STRAP: variants seen among roughly 807,000 people sequenced by gnomAD.
STRAP encodes serine/threonine kinase receptor associated protein, also known as serine-threonine kinase receptor-associated protein.
In STRAP, 16 loss-of-function variants were observed where a neutral mutation model predicts 47.0. The ratio of observed to expected loss-of-function variants is 0.34; its 90% CI spans 0.23 to 0.52. STRAP has a LOEUF of 0.52. Among genes scored for constraint, STRAP ranks in the 20% least tolerant of loss-of-function variants. The pLI is 0.96. For missense variants in STRAP, 293 were observed against 420.0 expected (o/e 0.70, Z 2.64); for synonymous variants, 130 against 142.7 (o/e 0.91, Z 0.63).
intron 9 of STRAP, among the ~76,000 whole-genome samples, chr12:15,902,249 G>T (rs2136115059): frequency 6.6e-6 from 1 of 152,310 alleles, no homozygotes; most frequent in South Asian, 2.1e-4. Context: ...TGGGATTACA[G>T]GCGTGAGCCA....
rs1218841925 is a variant in STRAP, at chr12:15,894,402, T to G, written c.500+259T>G. On this transcript the variant is annotated intron_variant, in intron 5 of 9. Coordinates refer to ENST00000419869, the MANE Select transcript of STRAP (RefSeq NM_007178.4). The surrounding 1 kb of genome is among the most constrained non-coding windows in gnomAD (Gnocchi z 4.9). Reference sequence around the variant, plus strand: ...TGAACCTGCGAGGCAGAGGTTGCGGTGAGTCGAGATCGTGCCATTGCACTC... The same window carrying G: ...TGAACCTGCGAGGCAGAGGTTGCGGGGAGTCGAGATCGTGCCATTGCACTC... 6.6e-6 allele frequency among the ~76,000 whole-genome samples: 1 copy of G among 152,198 alleles called. No individual in the cohort carries two copies. Among genetic ancestry groups the G allele is most frequent in the Admixed American group, 6.5e-5 (1 of 15,284 alleles).
In STRAP at chr12:15,902,885, C is replaced by CTTTTTTTT. The variant is rs71042274; in HGVS notation, c.992-16_992-9dup. On this transcript the variant is annotated intron_variant, in intron 9 of 9. Transcript: ENST00000419869. ...TCTTTCATTAAGTTGACTAATGTGACTTTTTTTTTTTTTTTTTTTTTTTAC... is the reference window on the plus strand; with the variant it reads ...TCTTTCATTAAGTTGACTAATGTGACTTTTTTTTTTTTTTTTTTTTTTTTTTTTTTTAC... 630 of 1,102,642 alleles carry CTTTTTTTT rather than the reference C, an allele frequency of 5.7e-4. 2 individuals are homozygous for CTTTTTTTT. The highest frequency in any genetic ancestry group is 2.1e-3 in the African/African-American group (96 of 45,770). 68.3% of individuals were successfully genotyped at this position (1,102,642 alleles called of 1,614,324 possible).
chr12:15,883,175 TACCTTAC>T, intron 1 of STRAP: 1 of 1,512,370 alleles, frequency 6.6e-7, no homozygotes, highest in South Asian at 1.2e-5. Flanking sequence ...GGCCGTGCAA[TACCTTAC>T]AAAGACGTTC....
chr12:15,885,569 C>T (rs1947964008), intron 2 of STRAP, among the ~76,000 whole-genome samples: 1 of 145,406 alleles, frequency 6.9e-6, no homozygotes, highest in Non-Finnish European at 1.5e-5. Flanking sequence ...GTACATTAAA[C>T]ATACCAATTT....
Position 15,900,813 on chromosome 12 carries a change from A to T in STRAP, c.926-134A>T, listed in dbSNP as rs935462224. On this transcript the variant is annotated intron_variant, in intron 8 of 9. Transcript: ENST00000419869. ...CTATTTTTAGAATCACAGTTATTTAAAAAGGAGTTGTTTTTATTATATTTT... is the reference window on the plus strand; with the variant it reads ...CTATTTTTAGAATCACAGTTATTTATAAAGGAGTTGTTTTTATTATATTTT... The T allele has an allele frequency of 1.9e-5, 11 of 580,858 alleles. No homozygotes were observed. The African/African-American group carries it at 2.1e-4, about 11-fold the overall frequency. 36.0% of individuals were successfully genotyped at this position (580,858 alleles called of 1,614,324 possible). A position where few individuals can be genotyped will look rare whatever the true frequency, so the allele number is the denominator to read the frequency against.
Position 15,895,436 on chromosome 12 carries a change from C to A in STRAP, c.578C>A (p.Pro193His), listed in dbSNP as rs761817170. 3.7e-6 allele frequency: 6 copies of A among 1,606,440 alleles called. No individual in the cohort carries two copies. The highest frequency in any genetic ancestry group is 3.4e-5 in the South Asian group (3 of 89,300). The change falls in exon 6 of 10, where the codon CCT becomes CAT. Residue 193 changes from proline to histidine, a missense_variant. Around this residue, in one of 5 missense-constraint regions of STRAP, gnomAD observed 152 missense variants for 183.0 expected, o/e 0.83. Transcript: ENST00000419869. The stretch of plus-strand genomic sequence containing the variant: ...TCTGTTAGTAGTATGGAATATATTC[C>A]TGAGGGAGAGATTTTGGTTATAACT... ...NMSVSSMEYIPEGEILVITYG... is the reference protein window; with the variant it reads ...NMSVSSMEYIHEGEILVITYG...
chr12:15,884,893 A>C (rs905137238), intron 2 of STRAP, among the ~76,000 whole-genome samples: 1 of 152,174 alleles, frequency 6.6e-6, no homozygotes, highest in Non-Finnish European at 1.5e-5. Context: ...CTGCCATTGC[A>C]CACCATAAAC....
chr12:15,898,816 C>T (rs1410272999), intron 7 of STRAP, among the ~76,000 whole-genome samples: 1 of 152,038 alleles, frequency 6.6e-6, no homozygotes, highest in African/African-American at 2.4e-5. Context: ...TTTCTAGCTG[C>T]CCTGCTTTAC....
chr12:15,895,033 T>G (rs939513522), intron 5 of STRAP, among the ~76,000 whole-genome samples: 1 of 152,202 alleles, frequency 6.6e-6, no homozygotes, highest in Non-Finnish European at 1.5e-5. Context: ...ATTACTAGAT[T>G]CACAAAAACA....
rs1948118075 is a variant in STRAP, at chr12:15,903,008, A to G, written c.*30A>G. 1 of 1,487,140 alleles carries G rather than the reference A, an allele frequency of 6.7e-7. No individual in the cohort carries two copies. Among genetic ancestry groups the G allele is most frequent in the South Asian group, 1.4e-5 (1 of 71,528 alleles). The allele number at this position is 1,487,140 out of a possible 1,614,324, so 92.1% of individuals were successfully genotyped here. On this transcript the variant is annotated 3_prime_UTR_variant, in exon 10 of 10. Coordinates refer to ENST00000419869, the MANE Select transcript of STRAP (RefSeq NM_007178.4). ...CAATCATATGTGCAGTTAGTATACA[A>G]CTGACTAAAACAAGCAAGCAGAGAA... is the stretch of plus-strand genomic sequence containing the variant.
chr12:15,886,191 A>G (rs1192109495), intron 2 of STRAP, among the ~76,000 whole-genome samples: 1 of 151,748 alleles, frequency 6.6e-6, no homozygotes, highest in Admixed American at 6.6e-5. Context: ...TTTGATCATC[A>G]TAGGATTTTT....
At position 15,895,474 on chromosome 12, in the gene STRAP, A is replaced by G. The variant is rs766668044; in HGVS notation, c.616A>G (p.Ile206Val). Residue 206 changes from isoleucine (I) to valine (V), a missense_variant, in exon 6 of 10, where the codon ATT becomes GTT. By Grantham distance (29) the Ile-to-Val change is conservative (BLOSUM62 3). Coordinates refer to ENST00000419869, the MANE Select transcript of STRAP (RefSeq NM_007178.4). ...TTTGGTTATAACTTATGGACGATCT[A>G]TTGCTTTTCATAGTGCAGTAAGGTA... ...EILVITYGRS[I>V]AFHSAVSLDP... 10 of 1,606,066 alleles carry G rather than the reference A, an allele frequency of 6.2e-6. No individual in the cohort carries two copies. The highest frequency in any genetic ancestry group is 1.7e-5 in the Admixed American group (1 of 58,022).
chr12:15,884,598 A>T (rs1267087886), intron 2 of STRAP, among the ~76,000 whole-genome samples: 1 of 151,736 alleles, frequency 6.6e-6, no homozygotes, highest in African/African-American at 2.4e-5. Context: ...TACTATACAG[A>T]CAGTATCTAG....
At position 15,894,071 on chromosome 12, in the gene STRAP, C is replaced by T; in HGVS notation, c.428C>T (p.Thr143Ile). ...EAEPKEISGH[T>I]SGIKKALWCS... ...GAACCTAAGGAAATTAGTGGTCATA[C>T]TTCTGGTATAAAAAAAGCTCTGTGG... is the stretch of plus-strand genomic sequence containing the variant. Residue 143 changes from threonine to isoleucine, a missense_variant, in exon 5 of 10, where the codon ACT becomes ATT. Physicochemically the swap from Thr to Ile is moderately conservative, Grantham distance 89. Coordinates refer to ENST00000419869, the MANE Select transcript of STRAP (RefSeq NM_007178.4). This position sits in a 1 kb window ranked among gnomAD's most constrained non-coding sequence, Gnocchi z 4.9. 1 of 1,613,326 alleles carries T rather than the reference C, an allele frequency of 6.2e-7. No individual in the cohort carries two copies. Among genetic ancestry groups the T allele is most frequent in the South Asian group, 1.1e-5 (1 of 90,984 alleles).
intron 8 of STRAP, among the ~76,000 whole-genome samples, chr12:15,900,425 G>T (rs1476973707): frequency 6.6e-6 from 1 of 151,726 alleles, no homozygotes; most frequent in Admixed American, 6.6e-5. Context: ...AGCTACTCAG[G>T]AGGCTGAGGC....
intron 7 of STRAP, among the ~76,000 whole-genome samples, chr12:15,898,433 C>T (rs956712130): frequency 6.6e-6 from 1 of 152,120 alleles, no homozygotes; most frequent in Non-Finnish European, 1.5e-5. Context: ...TTTTTGCCAA[C>T]TTAGGAATTC....
At position 15,890,598 on chromosome 12, in the gene STRAP, A is replaced by T. The variant is rs139147519; in HGVS notation, c.332A>T (p.Asp111Val). The stretch of plus-strand genomic sequence containing the variant: ...TCACATTTTACTTTGTGTTTTCAGG[A>T]TAGTAATTATTTGTTAACCGGGGGA... ...HIVKTVDFTQ[D>V]SNYLLTGGQD... is the part of the protein sequence containing the mutation. Residue 111 changes from aspartate to valine, a missense_variant and splice_region_variant, in exon 4 of 10, where the codon GAT (aspartate) becomes GTT (valine). Physicochemically the swap from Asp to Val is radical, Grantham distance 152. Transcript: ENST00000419869. This position sits in a 1 kb window ranked among gnomAD's most constrained non-coding sequence, Gnocchi z 4.5. 4 of 1,609,042 alleles carry T rather than the reference A, an allele frequency of 2.5e-6. No individual in the cohort carries two copies. The East Asian group carries it at 9.0e-5, about 36-fold the overall frequency.
chr12:15,889,993 CTG>C lies in STRAP; in HGVS notation c.317_318del (p.Val106GlyfsTer6), dbSNP rs766676048. On this transcript the variant is annotated frameshift_variant, in exon 3 of 10. Transcript: ENST00000419869. LOFTEE classifies it high-confidence loss of function. ...CTGGCTCATAAACACATTGTCAAGA[CTG>C]TGGATTTCACGCAGGTATCAGAAAA... The C allele has an allele frequency of 1.2e-6, 2 of 1,613,436 alleles. No homozygotes were observed. Among genetic ancestry groups the C allele is most frequent in the African/African-American group, 1.3e-5 (1 of 74,868 alleles).
rs142498457 is a variant in STRAP, at chr12:15,892,156, T to G, written c.403+1487T>G. 2.9e-3 allele frequency among the ~76,000 whole-genome samples: 435 copies of G among 152,320 alleles called. 1 individual carries two copies. The highest frequency in any genetic ancestry group is 8.6e-3 in the African/African-American group (359 of 41,588). On this transcript the variant is annotated intron_variant, in intron 4 of 9. Coordinates refer to ENST00000419869, the MANE Select transcript of STRAP (RefSeq NM_007178.4). ...TGCTATTGAATACCATTTTAATATA[T>G]TCCCTTTTTTATGGAATAATTGCCT...
Sources: gnomAD v4.1 joint callset for allele counts (sites outside exome capture counted in the v4.1 genomes callset) on GRCh38, gnomAD v4.1.1 for gene constraint, gnomAD v4.1.1 regional missense constraint, Gnocchi (gnomAD v3.1) non-coding constraint, MANE v1.5 for transcripts, NCBI Gene and HGNC (gene_info 2026-07-23, HGNC 2026-07-21) for gene names.